The following UPF3B variants were observed in gnomAD, a reference collection of about 807,000 sequenced individuals.
The protein encoded by UPF3B is regulator of nonsense transcripts 3B.
A neutral mutation model predicts 40.3 loss-of-function variants in UPF3B; 7 were observed. The observed-to-expected ratio is 0.17, with a 90% confidence interval of 0.10 to 0.33. UPF3B has a LOEUF of 0.33. UPF3B is among the 10% of genes least tolerant of loss of function. The probability of loss-of-function intolerance (pLI) is 1.00; values close to 1 mark genes in which losing one functional copy is unlikely to be tolerated. For missense variants in UPF3B, 229 were observed against 358.9 expected (o/e 0.64, Z 2.93); for synonymous variants, 117 against 117.3 (o/e 1.00, Z 0.01).
Position 119,837,882 on chromosome X carries a change from TTTC to T in UPF3B, c.1174_1176del (p.Glu392del), listed in dbSNP as rs747700847. The T allele has an allele frequency of 9.1e-6, 11 of 1,209,255 alleles. No individual in the cohort carries two copies. The highest frequency in any genetic ancestry group is 5.9e-5 in the East Asian group (2 of 33,780). On this transcript the variant is annotated inframe_deletion, in exon 10 of 11. Coordinates refer to ENST00000276201, the MANE Select transcript of UPF3B (RefSeq NM_080632.3). Reference sequence around the variant, plus strand: ...CGAAGTGTGTCTTTCTCTTTTTTCATTTCTTCTTCTTTTCTCTTAAAAGTCTTC... The same window carrying T: ...CGAAGTGTGTCTTTCTCTTTTTTCATTTCTTCTTTTCTCTTAAAAGTCTTC...
At position 119,834,072 on chromosome X, in the gene UPF3B, G is replaced by A. The variant is rs2056065061; in HGVS notation, c.*806C>T. ...TATTGACATCAAAACGAAACAAGCT[G>A]AGACTAAAAGTTGCTATTTAACAGG... On this transcript the variant is annotated 3_prime_UTR_variant, in exon 11 of 11. Coordinates refer to ENST00000276201, the MANE Select transcript of UPF3B (RefSeq NM_080632.3). 1.3e-6 allele frequency: 1 copy of A among 753,041 alleles called. No individual in the cohort carries two copies. The highest frequency in any genetic ancestry group is 8.8e-5 in the Admixed American group (1 of 11,339). The allele number at this position is 753,041 out of a possible 1,213,427, so 62.1% of individuals were successfully genotyped here. A position where few individuals can be genotyped will look rare whatever the true frequency, so the allele number is the denominator to read the frequency against.
chrX:119,847,902 G>C (rs2056254650), intron 3 of UPF3B, among the ~76,000 whole-genome samples: 1 of 111,612 alleles, frequency 9.0e-6, no homozygotes, highest in Non-Finnish European at 1.9e-5. Flanking sequence ...GTTCACAATA[G>C]CCAAGAGTGG....
At chrX:119,828,219 C>G (rs1265232543) in intron 3 of UPF3B, among the ~76,000 whole-genome samples, 1 of 110,487 alleles carries the variant, frequency 9.1e-6, no homozygotes, top group African/African-American at 3.3e-5. Context: ...GCCACCATGC[C>G]TCGCTAAATT....
At chrX:119,824,626 A>G (rs1427388521) in intron 3 of UPF3B, among the ~76,000 whole-genome samples, 2 of 111,500 alleles carry the variant, frequency 1.8e-5, no homozygotes, top group Non-Finnish European at 3.8e-5. Flanking sequence ...TGCCTTTGCA[A>G]GAAGCCTACA....
At chrX:119,848,088 T>C (rs1032002917) in intron 3 of UPF3B, among the ~76,000 whole-genome samples, 47 of 109,123 alleles carry the variant, frequency 4.3e-4, no homozygotes, top group Admixed American at 3.9e-4. Flanking sequence ...GAAACTAGCC[T>C]GGCCAACACA....
chrX:119,835,476 C>A (rs2056081273), intron 10 of UPF3B, among the ~76,000 whole-genome samples: 1 of 111,945 alleles, frequency 8.9e-6, no homozygotes. Flanking sequence ...CTTAAGTGAT[C>A]CTCCTGACTT....
chrX:119,820,529 T>C (rs2055906764), intron 4 of UPF3B, among the ~76,000 whole-genome samples: 1 of 105,770 alleles, frequency 9.5e-6, no homozygotes, highest in Admixed American at 1.0e-4. Flanking sequence ...TTGAGATCTC[T>C]GCTCACTGGA....
chrX:119,841,679 G>A, intron 6 of UPF3B, 56 bp downstream of exon 6: 1 of 1,066,654 alleles, frequency 9.4e-7, no homozygotes, highest in Non-Finnish European at 1.3e-6. Context: ...AATGTTTATA[G>A]AATGCAAAGC....
Position 119,852,770 on chromosome X carries a change from C to T in UPF3B, c.156+3G>A, listed in dbSNP as rs2056318106. ...TCTCCCGGGCCAGCGGCCGACCGGGCACCTTGCTCAGCGCTTCTTTCTTCT... is the reference window on the plus strand; with the variant it reads ...TCTCCCGGGCCAGCGGCCGACCGGGTACCTTGCTCAGCGCTTCTTTCTTCT... On this transcript the variant is annotated splice_donor_region_variant and intron_variant, in intron 1 of 10. Transcript: ENST00000276201. The T allele has an allele frequency of 1.6e-6, 2 of 1,212,470 alleles. No individual in the cohort carries two copies. The highest frequency in any genetic ancestry group is 1.8e-5 in the South Asian group (1 of 57,053).
At position 119,849,471 on chromosome X, in the gene UPF3B, C is replaced by T. The variant is rs149905614; in HGVS notation, c.370+2024G>A. On this transcript the variant is annotated intron_variant, in intron 3 of 10. Transcript: ENST00000276201. ...TTGTGCCACTGTACTCCAGCCTGGG[C>T]GACAGAGTTAAGACTCTGTCTCAAA... is the stretch of plus-strand genomic sequence containing the variant. 4.2e-4 allele frequency among the ~76,000 whole-genome samples: 40 copies of T among 96,289 alleles called. No individual in the cohort carries two copies. The East Asian group carries it at 7.5e-3, about 18-fold the overall frequency. 83.6% of individuals were successfully genotyped at this position (96,289 alleles called of 115,157 possible).
chrX:119,847,124 T>C (rs2056244443), intron 3 of UPF3B, among the ~76,000 whole-genome samples: 1 of 111,966 alleles, frequency 8.9e-6, no homozygotes, highest in African/African-American at 3.2e-5. Context: ...AAGCAGAAAA[T>C]AACAAGTGTT....
At chrX:119,827,852 C>G (rs1453738255) in intron 3 of UPF3B, among the ~76,000 whole-genome samples, 1 of 110,535 alleles carries the variant, frequency 9.0e-6, no homozygotes, top group Non-Finnish European at 1.9e-5. Context: ...CCACCTCAGC[C>G]TCCCGAGTAG....
chrX:119,819,185 C>T (rs2055890609), intron 4 of UPF3B, among the ~76,000 whole-genome samples: 1 of 108,443 alleles, frequency 9.2e-6, no homozygotes, highest in Non-Finnish European at 1.9e-5. Flanking sequence ...TCCTGAGTAG[C>T]TGGGATTACA....
chrX:119,841,030 A>G (rs1603370547), intron 7 of UPF3B, 46 bp downstream of exon 7: 12 of 1,185,846 alleles, frequency 1.0e-5, no homozygotes, highest in Non-Finnish European at 1.4e-5. Context: ...AGAAGTAGAT[A>G]CGTGCAATTT....
At chrX:119,823,765 T>C (rs1253367726) in intron 3 of UPF3B, among the ~76,000 whole-genome samples, 2 of 109,975 alleles carry the variant, frequency 1.8e-5, no homozygotes, top group Admixed American at 9.8e-5. Context: ...GGTTTTACCA[T>C]GTTTTTCAGG....
intron 4 of UPF3B, among the ~76,000 whole-genome samples, chrX:119,816,795 AACTT>A (rs1262675882): frequency 2.7e-5 from 3 of 111,392 alleles, no homozygotes; most frequent in Admixed American, 9.6e-5. Context: ...TTGGCTTCTA[AACTT>A]ACTTACTTTC....
Position 119,822,920 on chromosome X carries a change from T to C in UPF3B, c.494+22A>G. ...ACCACGCCCGGCCTCTCCTCTTCTT[T>C]TCTATGGCTAATACCACTTTCCTGC... On this transcript the variant is annotated intron_variant, in intron 4 of 6. Coordinates refer to the UPF3B transcript ENST00000636792. 4 of 909,595 alleles carry C rather than the reference T, an allele frequency of 4.4e-6. No homozygotes were observed. The South Asian group carries it at 1.1e-4, about 25-fold the overall frequency. 75.0% of individuals were successfully genotyped at this position (909,595 alleles called of 1,213,427 possible). A position where few individuals can be genotyped will look rare whatever the true frequency, so the allele number is the denominator to read the frequency against.
intron 4 of UPF3B, among the ~76,000 whole-genome samples, chrX:119,817,165 C>T (rs765632426): frequency 4.1e-4 from 45 of 110,625 alleles, no homozygotes; most frequent in South Asian, 3.8e-4. Flanking sequence ...AGATGGGTTT[C>T]GCCATGTTTG....
Position 119,845,238 on chromosome X carries a change from C to T in UPF3B, c.429G>A (p.Lys143=). The T allele has an allele frequency of 8.3e-7, 1 of 1,210,969 alleles. No homozygotes were observed. The highest frequency in any genetic ancestry group is 1.1e-6 in the Non-Finnish European group (1 of 895,081). The change falls in exon 4 of 11, where the codon AAG becomes AAA. Residue 143 remains lysine (K), a synonymous_variant. Transcript: ENST00000276201. ...CGACTTTGGTATCTCTTTTCTTAGT[C>T]TTCTTTTTTGCAGCTTTTTGAAAAG... ...FAPFQKAAKK[K]TKKRDTKVGT... is the part of the protein sequence containing the mutation.
Sources: allele counts gnomAD v4.1 joint callset (sites outside exome capture counted in the v4.1 genomes callset), GRCh38; gene constraint gnomAD v4.1.1; transcripts MANE v1.5; gene names NCBI Gene and HGNC (gene_info 2026-07-23, HGNC 2026-07-21).